ROR1: variants seen among roughly 807,000 people sequenced by gnomAD.
ROR1 encodes ROR family WNT receptor 1.
ROR1 carries 19 observed loss-of-function variants against 78.8 expected under a neutral mutation model. That is an observed-to-expected ratio of 0.24 (90% CI 0.17 to 0.35). ROR1 has a LOEUF of 0.35. Among genes scored for constraint, ROR1 ranks in the 10% least tolerant of loss-of-function variants. ROR1 has a pLI of 1.00. For missense variants in ROR1, 917 were observed against 1,177.8 expected (o/e 0.78, Z 3.24); for synonymous variants, 386 against 433.6 (o/e 0.89, Z 1.36).
At chr1:64,129,229 A>G (rs559269667) in intron 4 of ROR1, among the ~76,000 whole-genome samples, 99 of 152,172 alleles carry the variant, frequency 6.5e-4, no homozygotes, top group Non-Finnish European at 1.4e-3. Flanking sequence ...GAGTAGTAAG[A>G]TGAAATTAAA....
chr1:64,153,465 G>A (rs1649683571), intron 7 of ROR1, among the ~76,000 whole-genome samples: 1 of 152,214 alleles, frequency 6.6e-6, no homozygotes, highest in South Asian at 2.1e-4. Context: ...GTTCACTGCA[G>A]CATTATTCAT....
chr1:64,177,732 T>A lies in ROR1; in HGVS notation c.1691T>A (p.Leu564His). The change falls in exon 9 of 9, where the codon CTC (leucine) becomes CAC (histidine). Residue 564 changes from leucine (L) to histidine (H), a missense_variant. Coordinates refer to ENST00000371079, the MANE Select transcript of ROR1 (RefSeq NM_005012.4). ...AATCAGGGGGATCTCCATGAGTTCC[T>A]CATCATGAGATCCCCACACTCTGAT... Reference protein sequence around the residue: ...YINQGDLHEFLIMRSPHSDVG... With the variant: ...YINQGDLHEFHIMRSPHSDVG... The A allele has an allele frequency of 6.2e-7, 1 of 1,614,152 alleles. No homozygotes were observed. The highest frequency in any genetic ancestry group is 8.5e-7 in the Non-Finnish European group (1 of 1,180,014).
intron 4 of ROR1, among the ~76,000 whole-genome samples, chr1:64,074,992 T>C (rs1647037590): frequency 6.6e-6 from 1 of 152,328 alleles, no homozygotes; most frequent in Middle Eastern, 3.4e-3. Flanking sequence ...TGCTTATTAG[T>C]GTTCCCGAGG....
Position 64,107,611 on chromosome 1 carries a change from A to T in ROR1, c.483-29758A>T, listed in dbSNP as rs1647877188. ...TTTTTAAGTCAAGCTTTGTTAATAGATTTTCAGAATGCACATTAAAGTGCC... is the reference window on the plus strand; with the variant it reads ...TTTTTAAGTCAAGCTTTGTTAATAGTTTTTCAGAATGCACATTAAAGTGCC... On this transcript the variant is annotated intron_variant, in intron 4 of 8. Transcript: ENST00000371079. 3.3e-5 allele frequency among the ~76,000 whole-genome samples: 5 copies of T among 151,274 alleles called. No homozygotes were observed. In the South Asian group the frequency reaches 1.0e-3, roughly 32 times the overall value.
At chr1:63,986,968 A>G (rs1019249642) in intron 1 of ROR1, among the ~76,000 whole-genome samples, 1 of 152,126 alleles carries the variant, frequency 6.6e-6, no homozygotes, top group African/African-American at 2.4e-5. Context: ...GGTGGGCAGC[A>G]GCAGAGAACC....
chr1:63,940,575 CAG>C (rs1645830793), intron 1 of ROR1, among the ~76,000 whole-genome samples: 1 of 151,944 alleles, frequency 6.6e-6, no homozygotes, highest in South Asian at 2.1e-4. Context: ...TCTTCCTTAA[CAG>C]TGTAATGCCA....
chr1:63,818,427 A>T (rs1557511621), intron 1 of ROR1, among the ~76,000 whole-genome samples: 1 of 152,324 alleles, frequency 6.6e-6, no homozygotes, highest in East Asian at 1.9e-4. Flanking sequence ...CACCACCTAC[A>T]TTCTACTATT....
intron 1 of ROR1, among the ~76,000 whole-genome samples, chr1:63,827,013 T>C (rs971872155): frequency 6.6e-6 from 1 of 152,134 alleles, no homozygotes; most frequent in Admixed American, 6.5e-5. Flanking sequence ...AATGAGATCA[T>C]GTCCTTTGCA....
chr1:63,910,791 C>T (rs964170480), intron 1 of ROR1, among the ~76,000 whole-genome samples: 27 of 152,126 alleles, frequency 1.8e-4, no homozygotes, highest in African/African-American at 4.1e-4. Context: ...AAATGCCTGT[C>T]GAAGTAGACG....
At chr1:63,934,289 C>A (rs921212113) in intron 1 of ROR1, among the ~76,000 whole-genome samples, 1 of 152,110 alleles carries the variant, frequency 6.6e-6, no homozygotes, top group Non-Finnish European at 1.5e-5. Context: ...TTGAACCGAG[C>A]CATACCAGTC....
At chr1:64,037,096 C>T (rs1048585144) in intron 2 of ROR1, among the ~76,000 whole-genome samples, 2 of 152,112 alleles carry the variant, frequency 1.3e-5, no homozygotes, top group African/African-American at 4.8e-5. Context: ...TTTTTTTAAA[C>T]CTGACTCTGA....
At chr1:63,837,883 A>T (rs186945696) in intron 1 of ROR1, among the ~76,000 whole-genome samples, 1 of 152,192 alleles carries the variant, frequency 6.6e-6, no homozygotes. Context: ...TCACATTTGT[A>T]TGGTAGCTAC....
chr1:63,806,521 G>T (rs553575811), intron 1 of ROR1, among the ~76,000 whole-genome samples: 18 of 152,214 alleles, frequency 1.2e-4, no homozygotes, highest in Non-Finnish European at 2.5e-4. Context: ...GTTTCACTGC[G>T]TTAGCCAGGA....
chr1:63,903,740 A>G (rs1645504346), intron 1 of ROR1, among the ~76,000 whole-genome samples: 1 of 151,872 alleles, frequency 6.6e-6, no homozygotes, highest in Admixed American at 6.6e-5. Flanking sequence ...ATATATATCT[A>G]TATAGTTGTA....
intron 2 of ROR1, among the ~76,000 whole-genome samples, chr1:64,044,881 C>T (rs1207947894): frequency 6.6e-6 from 1 of 152,170 alleles, no homozygotes; most frequent in African/African-American, 2.4e-5. Flanking sequence ...CCAATCATAA[C>T]TGATGGCACT....
chr1:63,911,155 C>A (rs1372206691), intron 1 of ROR1, among the ~76,000 whole-genome samples: 1 of 152,038 alleles, frequency 6.6e-6, no homozygotes, highest in African/African-American at 2.4e-5. Context: ...AACTGAGGAG[C>A]CTTGTAGAAT....
intron 1 of ROR1, among the ~76,000 whole-genome samples, chr1:63,780,240 G>C (rs1330106294): frequency 5.3e-5 from 8 of 151,566 alleles, no homozygotes; most frequent in African/African-American, 1.9e-4. Context: ...TTTTTTTCAA[G>C]TATTTCTATA....
chr1:63,997,875 C>T (rs920674279), intron 1 of ROR1, among the ~76,000 whole-genome samples: 3 of 151,274 alleles, frequency 2.0e-5, no homozygotes, highest in Non-Finnish European at 2.9e-5. Flanking sequence ...AGAACTGCTA[C>T]TTCGCTAAAA....
intron 4 of ROR1, among the ~76,000 whole-genome samples, chr1:64,125,392 C>G (rs1212415311): frequency 6.6e-6 from 1 of 152,180 alleles, no homozygotes; most frequent in African/African-American, 2.4e-5. Flanking sequence ...TATGTCACCT[C>G]TCACCAAAGA....
Sources: allele counts gnomAD v4.1 joint callset (sites outside exome capture counted in the v4.1 genomes callset), GRCh38; gene constraint gnomAD v4.1.1; transcripts MANE v1.5; gene names NCBI Gene and HGNC (gene_info 2026-07-23, HGNC 2026-07-21).